CTNNA3: variants seen among roughly 807,000 people sequenced by gnomAD.
CTNNA3 encodes catenin alpha 3.
In CTNNA3, 76 loss-of-function variants were observed where a neutral mutation model predicts 95.7. The observed-to-expected ratio is 0.79, with a 90% CI of 0.66 to 0.96. The LOEUF is 0.96. Among genes scored for constraint, CTNNA3 ranks in the 40% least tolerant of loss-of-function variants. CTNNA3 has a pLI of 0.00. For synonymous variants in CTNNA3, 431 were observed against 374.4 expected (o/e 1.15, Z -1.74); for missense variants, 1,191 against 1,089.8 (o/e 1.09, Z -1.31).
intron 7 of CTNNA3, among the ~76,000 whole-genome samples, chr10:66,971,324 G>A (rs1304973924): frequency 6.6e-6 from 1 of 152,096 alleles, no homozygotes; most frequent in Non-Finnish European, 1.5e-5. Context: ...TACTCAGGAG[G>A]CTGAGGCAGA....
chr10:66,581,150 T>A (rs1170799446), intron 10 of CTNNA3, among the ~76,000 whole-genome samples: 1 of 151,868 alleles, frequency 6.6e-6, no homozygotes, highest in Non-Finnish European at 1.5e-5. Flanking sequence ...CATCAGTTAA[T>A]GGACATTTAG....
At chr10:67,275,129 T>A (rs1839138373) in intron 5 of CTNNA3, among the ~76,000 whole-genome samples, 1 of 152,200 alleles carries the variant, frequency 6.6e-6, no homozygotes, top group Admixed American at 6.6e-5. Context: ...TGGTCCTTGC[T>A]AAGTGGTGGG....
rs530706516 is a variant in CTNNA3, at chr10:66,710,838, T to C, written c.1281+55426A>G. On this transcript the variant is annotated intron_variant, in intron 9 of 17. Transcript: ENST00000433211. ...CAACATTGAAACAAATCTTAAAACT[T>C]TGTCATGCGCTTGTTACAATTACAG... 3.9e-3 allele frequency among the ~76,000 whole-genome samples: 508 copies of C among 130,108 alleles called. 3 individuals carry two copies. Among genetic ancestry groups the C allele is most frequent in the African/African-American group, 0.013 (456 of 33,888 alleles). 85.4% of individuals were successfully genotyped at this position (130,108 alleles called of 152,430 possible). A position where few individuals can be genotyped will look rare whatever the true frequency, so the allele number is the denominator to read the frequency against.
At chr10:66,236,532 T>C (rs10762034) in intron 13 of CTNNA3, among the ~76,000 whole-genome samples, 54,816 of 151,968 alleles carry the variant, frequency 0.36, 10,235 homozygotes, top group East Asian at 0.46. Flanking sequence ...TTATAAAATA[T>C]ATTGCATTTG....
chr10:66,922,462 C>T (rs994377894), intron 7 of CTNNA3, among the ~76,000 whole-genome samples: 5 of 152,326 alleles, frequency 3.3e-5, no homozygotes, highest in Middle Eastern at 3.4e-3. Flanking sequence ...TCTGCAGCCT[C>T]AAGTATTCAG....
At chr10:66,138,560 G>T (rs1447694511) in intron 13 of CTNNA3, among the ~76,000 whole-genome samples, 1 of 152,160 alleles carries the variant, frequency 6.6e-6, no homozygotes, top group Non-Finnish European at 1.5e-5. Context: ...TGGGCGCAGT[G>T]GCTCACACCT....
intron 1 of CTNNA3, among the ~76,000 whole-genome samples, chr10:67,722,903 T>C (rs1841187749): frequency 6.6e-6 from 1 of 152,058 alleles, no homozygotes; most frequent in Non-Finnish European, 1.5e-5. Context: ...GGATTTCTTA[T>C]GATAAAGAAA....
intron 11 of CTNNA3, among the ~76,000 whole-genome samples, chr10:66,501,280 C>T (rs1038191223): frequency 6.6e-6 from 1 of 151,980 alleles, no homozygotes; most frequent in South Asian, 2.1e-4. Context: ...CTACTAATTG[C>T]CAATATATGA....
intron 13 of CTNNA3, among the ~76,000 whole-genome samples, chr10:66,133,062 A>C (rs560822727): frequency 6.6e-6 from 1 of 152,292 alleles, no homozygotes; most frequent in African/African-American, 2.4e-5. Flanking sequence ...ACATTTTTTT[A>C]AAACTCCAGA....
chr10:66,925,442 A>C (rs1847013551), intron 7 of CTNNA3, among the ~76,000 whole-genome samples: 1 of 152,228 alleles, frequency 6.6e-6, no homozygotes, highest in Non-Finnish European at 1.5e-5. Context: ...TTAAAAGAGA[A>C]TTACAACAAC....
intron 9 of CTNNA3, among the ~76,000 whole-genome samples, chr10:66,630,988 C>T (rs1033714630): frequency 6.6e-6 from 1 of 152,086 alleles, no homozygotes; most frequent in African/African-American, 2.4e-5. Flanking sequence ...GTGAAAGGAT[C>T]AAAAACTAAA....
chr10:67,379,431 G>C (rs1843828426), intron 5 of CTNNA3, among the ~76,000 whole-genome samples: 1 of 152,112 alleles, frequency 6.6e-6, no homozygotes, highest in African/African-American at 2.4e-5. Flanking sequence ...AAATTGAAAG[G>C]CATTATACAA....
At chr10:67,210,449 T>C (rs1317633090) in intron 6 of CTNNA3, among the ~76,000 whole-genome samples, 1 of 152,228 alleles carries the variant, frequency 6.6e-6, no homozygotes, top group Non-Finnish European at 1.5e-5. Context: ...CACATGTTCC[T>C]AATGTCATTC....
At chr10:65,967,195 A>G (rs1294379004) in intron 16 of CTNNA3, among the ~76,000 whole-genome samples, 1 of 151,768 alleles carries the variant, frequency 6.6e-6, no homozygotes, top group Non-Finnish European at 1.5e-5. Context: ...TGACCTCATG[A>G]TCTGCCTGCC....
intron 5 of CTNNA3, among the ~76,000 whole-genome samples, chr10:67,358,032 A>T (rs569533442): frequency 6.2e-4 from 94 of 152,274 alleles, no homozygotes; most frequent in African/African-American, 2.1e-3. Context: ...CAATTTGATG[A>T]GAAAAGGATA....
intron 13 of CTNNA3, among the ~76,000 whole-genome samples, chr10:66,147,836 T>C (rs961635767): frequency 6.0e-5 from 9 of 151,180 alleles, no homozygotes; most frequent in African/African-American, 2.2e-4. Context: ...TTAGCATGTA[T>C]GTATATTAAT....
At chr10:65,965,299 A>G (rs1228700656) in intron 17 of CTNNA3, among the ~76,000 whole-genome samples, 1 of 152,136 alleles carries the variant, frequency 6.6e-6, no homozygotes, top group African/African-American at 2.4e-5. Flanking sequence ...AAAACAGAAC[A>G]AATAAATAAG....
rs1349906066 is a variant in CTNNA3, at chr10:65,913,643, T to G, written c.*6687A>C. 3.3e-5 allele frequency: 5 copies of G among 152,132 alleles called. No homozygotes were observed. Among genetic ancestry groups the G allele is most frequent in the Non-Finnish European group, 7.4e-5 (5 of 68,026 alleles). 9.4% of individuals were successfully genotyped at this position (152,132 alleles called of 1,614,324 possible). A position where few individuals can be genotyped will look rare whatever the true frequency, so the allele number is the denominator to read the frequency against. On this transcript the variant is annotated 3_prime_UTR_variant, in exon 18 of 18. Transcript: ENST00000433211. Reference sequence around the variant, plus strand: ...AGATTTGGCAAGCAATGGAACATGATTTTTATAGTAGTTTAAAATTAATTT... The same window carrying G: ...AGATTTGGCAAGCAATGGAACATGAGTTTTATAGTAGTTTAAAATTAATTT...
At chr10:66,353,768 A>C (rs2092585076) in intron 12 of CTNNA3, among the ~76,000 whole-genome samples, 1 of 152,040 alleles carries the variant, frequency 6.6e-6, no homozygotes, top group African/African-American at 2.4e-5. Context: ...AGATTAATCA[A>C]CCCAGGGATA....
Sources: allele counts gnomAD v4.1 joint callset (sites outside exome capture counted in the v4.1 genomes callset), GRCh38; gene constraint gnomAD v4.1.1; transcripts MANE v1.5; gene names NCBI Gene and HGNC (gene_info 2026-07-23, HGNC 2026-07-21).